Variants in OTOGL observed in about 807,000 individuals in gnomAD.
The protein encoded by OTOGL is otogelin-like protein.
OTOGL carries 285 observed loss-of-function variants against 318.5 expected under a neutral mutation model. That is an observed-to-expected ratio of 0.89 (90% CI 0.81 to 0.99). The LOEUF (loss-of-function observed/expected upper bound fraction) is 0.99, where lower values mean the gene tolerates loss of function less well. OTOGL is among the 50% of genes least tolerant of loss of function. The pLI is 0.00. For synonymous variants in OTOGL, 987 were observed against 936.5 expected, an observed-to-expected ratio of 1.05 and a Z score of -0.99; for missense variants, 2,899 against 2,845.6, an observed-to-expected ratio of 1.02 and a Z score of -0.43.
intron 4 of OTOGL, among the ~76,000 whole-genome samples, chr12:80,217,143 T>A (rs1375982870): frequency 6.6e-6 from 1 of 152,120 alleles, no homozygotes; most frequent in Non-Finnish European, 1.5e-5. Context: ...CCCATGCATT[T>A]TTTTTTTCCA....
rs191369039 is a variant in OTOGL at position 80,243,248 on chromosome 12, G to A, written c.1052+3809G>A. Among the ~76,000 whole-genome samples the A allele has an allele frequency of 2.7e-3, 412 of 152,080 alleles. 4 individuals are homozygous for A. The highest frequency in any genetic ancestry group is 9.5e-3 in the African/African-American group (393 of 41,502). On this transcript the variant is annotated intron_variant, in intron 11 of 58. Transcript: ENST00000547103. Reference sequence around the variant, plus strand: ...AAGATAATATCTCATCAGAAACCATGGAGACCAGAAGGAAGTGGCTTAAAT... The same window carrying A: ...AAGATAATATCTCATCAGAAACCATAGAGACCAGAAGGAAGTGGCTTAAAT...
At chr12:80,366,673 G>A in intron 53 of OTOGL, 36 bp downstream of exon 53, 1 of 929,520 alleles carries the variant, frequency 1.1e-6, no homozygotes, top group Non-Finnish European at 1.4e-6. Context: ...AATTATAAAT[G>A]AATATCATTA....
intron 24 of OTOGL, 143 bp downstream of exon 24, chr12:80,271,953 T>A (rs1173589229): frequency 4.3e-6 from 4 of 935,722 alleles, no homozygotes; most frequent in Non-Finnish European, 6.1e-6. Context: ...CTATTGTGAT[T>A]GTTTTGCTTG....
rs1882977119 is a variant in OTOGL, at chr12:80,266,519, C to CT, written c.2294dup (p.Ser766LeufsTer8). 1.9e-6 allele frequency: 3 copies of CT among 1,613,572 alleles called. No individual in the cohort carries two copies. Among genetic ancestry groups the CT allele is most frequent in the Non-Finnish European group, 2.5e-6 (3 of 1,179,706 alleles). ...GTTCTGCCTCCATTCCTGCATTTCTCTCTCTTCCCCGGAGCAGTGCAGTGA... is the reference window on the plus strand; with the variant it reads ...GTTCTGCCTCCATTCCTGCATTTCTCTTCTCTTCCCCGGAGCAGTGCAGTGA... On this transcript the variant is annotated frameshift_variant, in exon 21 of 59. Coordinates refer to ENST00000547103, the MANE Select transcript of OTOGL (RefSeq NM_001378609.3). LOFTEE classifies it high-confidence loss of function.
chr12:80,372,728 G>T (rs1417542305), intron 57 of OTOGL, among the ~76,000 whole-genome samples: 2 of 149,770 alleles, frequency 1.3e-5, no homozygotes, highest in African/African-American at 2.5e-5. Flanking sequence ...TTGCTCTATT[G>T]CCCAGGCCGG....
chr12:80,355,224 C>CTTTCT (rs1889799791), intron 46 of OTOGL, among the ~76,000 whole-genome samples: 25 of 65,624 alleles, frequency 3.8e-4, no homozygotes, highest in South Asian at 1.1e-3. Context: ...TTCTTTCTTT[C>CTTTCT]TTTTCTTTTT....
At chr12:80,273,258 TGTTTATG>T (rs1029611763) in intron 24 of OTOGL, among the ~76,000 whole-genome samples, 28 of 152,220 alleles carry the variant, frequency 1.8e-4, no homozygotes, top group African/African-American at 6.5e-4. Flanking sequence ...CCTACAATAT[TGTTTATG>T]GTAATGTGAT....
At position 80,333,023 on chromosome 12, in the gene OTOGL, C is replaced by T. The variant is rs757993465; in HGVS notation, c.4367C>T (p.Pro1456Leu). Residue 1456 changes from proline to leucine, a missense_variant, in exon 38 of 59, where the codon CCA (proline) becomes CTA (leucine). This residue lies in a region of OTOGL where 2,607 missense variants were observed against 2,524.9 expected (regional missense o/e 1.03). Coordinates refer to ENST00000547103, the MANE Select transcript of OTOGL (RefSeq NM_001378609.3). ...PMFTVWEMIT[P>L]SDITVFDMLT... is the part of the protein sequence containing the mutation. ...CTGACAGTTTGGGAAATGATTACTC[C>T]ATCAGACATCACTGTGTTTGATATG... 1 of 1,598,486 alleles carries T rather than the reference C, an allele frequency of 6.3e-7. No individual in the cohort carries two copies. The highest frequency in any genetic ancestry group is 1.7e-4 in the Middle Eastern group (1 of 6,052).
chr12:80,237,324 A>T (rs1367204620), intron 9 of OTOGL, among the ~76,000 whole-genome samples: 1 of 152,190 alleles, frequency 6.6e-6, no homozygotes, highest in East Asian at 1.9e-4. Flanking sequence ...GCAAAATATA[A>T]TTTTTGTGAG....
In OTOGL at chr12:80,333,043, G is replaced by C; in HGVS notation, c.4387G>C (p.Asp1463His). The change falls in exon 38 of 59, where the codon GAT becomes CAT. Residue 1463 changes from aspartate (D) to histidine (H), a missense_variant. Asp to His is a moderately conservative substitution (Grantham distance 81). Coordinates refer to ENST00000547103, the MANE Select transcript of OTOGL (RefSeq NM_001378609.3). Reference protein sequence around the residue: ...MITPSDITVFDMLTPTTGLEC... With the variant: ...MITPSDITVFHMLTPTTGLEC... ...TACTCCATCAGACATCACTGTGTTT[G>C]ATATGCTAACACCAACTACAGGCTT... 1.4e-5 allele frequency: 22 copies of C among 1,602,782 alleles called. No individual in the cohort carries two copies. Among genetic ancestry groups the C allele is most frequent in the Non-Finnish European group, 1.9e-5 (22 of 1,173,814 alleles).
chr12:80,201,309 G>A (rs939574161), intron 1 of OTOGL, among the ~76,000 whole-genome samples: 1 of 152,194 alleles, frequency 6.6e-6, no homozygotes, highest in Non-Finnish European at 1.5e-5. Flanking sequence ...TGTACAAGAA[G>A]TGTGGTGCCA....
intron 1 of OTOGL, among the ~76,000 whole-genome samples, chr12:80,176,474 T>C (rs1874534868): frequency 1.3e-5 from 2 of 152,182 alleles, no homozygotes; most frequent in African/African-American, 4.8e-5. Context: ...AGTTTGCATT[T>C]TCTAGGATTT....
At chr12:80,241,113 A>G (rs1026989626) in intron 11 of OTOGL, among the ~76,000 whole-genome samples, 2 of 152,126 alleles carry the variant, frequency 1.3e-5, no homozygotes, top group Admixed American at 6.5e-5. Context: ...GGTTTATCAA[A>G]GGTGAGAACA....
chr12:80,212,143 C>T (rs1592551975), intron 4 of OTOGL, 146 bp downstream of exon 4: 1 of 761,962 alleles, frequency 1.3e-6, no homozygotes, highest in Non-Finnish European at 2.1e-6. Context: ...GCAAAGTAAC[C>T]TCTATTGCTT....
At chr12:80,118,411 G>T (rs1207842369) in intron 1 of OTOGL, among the ~76,000 whole-genome samples, 1 of 152,160 alleles carries the variant, frequency 6.6e-6, no homozygotes, top group Admixed American at 6.5e-5. Context: ...GCGCTAGGAG[G>T]GGGATAGAAG....
At chr12:80,243,870 C>T (rs1228361231) in intron 11 of OTOGL, among the ~76,000 whole-genome samples, 3 of 129,054 alleles carry the variant, frequency 2.3e-5, no homozygotes, top group South Asian at 2.2e-4. Flanking sequence ...TATATATATA[C>T]GATTCCATTA....
chr12:80,227,803 G>A (rs915926164), intron 7 of OTOGL, among the ~76,000 whole-genome samples: 1 of 151,750 alleles, frequency 6.6e-6, no homozygotes, highest in African/African-American at 2.4e-5. Flanking sequence ...TCTCTCTCAC[G>A]CTCCATCTTT....
intron 44 of OTOGL, among the ~76,000 whole-genome samples, chr12:80,345,358 C>T (rs1003518905): frequency 6.6e-6 from 1 of 151,042 alleles, no homozygotes; most frequent in Non-Finnish European, 1.5e-5. Flanking sequence ...GCCTCAGCCT[C>T]CTGAGTAGCT....
intron 1 of OTOGL, among the ~76,000 whole-genome samples, chr12:80,107,666 G>C (rs767724240): frequency 6.6e-6 from 1 of 151,888 alleles, no homozygotes; most frequent in Non-Finnish European, 1.5e-5. Context: ...TCATTGCAGC[G>C]CTGTTTACAA....
Sources: gnomAD v4.1 joint callset for allele counts (sites outside exome capture counted in the v4.1 genomes callset) on GRCh38, gnomAD v4.1.1 for gene constraint, gnomAD v4.1.1 regional missense constraint, MANE v1.5 for transcripts, NCBI Gene and HGNC (gene_info 2026-07-23, HGNC 2026-07-21) for gene names.